RNLS: variants seen among roughly 807,000 people sequenced by gnomAD.
RNLS encodes the protein renalase, FAD dependent amine oxidase, also known as renalase.
RNLS carries 39 observed loss-of-function variants against 39.8 expected under a neutral mutation model. The observed-to-expected ratio is 0.98, with a 90% confidence interval of 0.76 to 1.28. The LOEUF (loss-of-function observed/expected upper bound fraction) is 1.28. Ranked by LOEUF, RNLS falls within the 50% of genes most tolerant of loss-of-function variation. The pLI, the probability that RNLS is intolerant of heterozygous loss-of-function variation, is 0.00. For synonymous variants in RNLS, 147 were observed against 150.7 expected (o/e 0.98, Z 0.18); for missense variants, 410 against 413.3 (o/e 0.99, Z 0.07).
intron 4 of RNLS, among the ~76,000 whole-genome samples, chr10:88,391,221 T>G (rs1589714044): frequency 6.6e-6 from 1 of 152,340 alleles, no homozygotes; most frequent in South Asian, 2.1e-4. Flanking sequence ...ATTCCTTTCT[T>G]CTTCTTTAAA....
At chr10:88,578,806 G>T (rs1850355489) in intron 3 of RNLS, among the ~76,000 whole-genome samples, 1 of 152,058 alleles carries the variant, frequency 6.6e-6, no homozygotes, top group Non-Finnish European at 1.5e-5. Flanking sequence ...AAAATAAGGA[G>T]ATAGATGCAA....
At chr10:88,393,545 A>G (rs1852350813) in intron 4 of RNLS, among the ~76,000 whole-genome samples, 1 of 152,234 alleles carries the variant, frequency 6.6e-6, no homozygotes, top group South Asian at 2.1e-4. Context: ...GTAAAAGAGG[A>G]TACAAACAAA....
chr10:88,468,271 G>A (rs1000876616), intron 4 of RNLS, among the ~76,000 whole-genome samples: 6 of 152,146 alleles, frequency 3.9e-5, no homozygotes, highest in Non-Finnish European at 7.4e-5. Flanking sequence ...AACATCTAAT[G>A]ACTAGCATAA....
At chr10:88,366,162 G>A (rs1850084045) in intron 4 of RNLS, among the ~76,000 whole-genome samples, 1 of 152,116 alleles carries the variant, frequency 6.6e-6, no homozygotes, top group African/African-American at 2.4e-5. Flanking sequence ...AATAAAGCAG[G>A]TAAAGGGATA....
chr10:88,278,947 C>A (rs549233407), intron 6 of RNLS, among the ~76,000 whole-genome samples: 2 of 152,308 alleles, frequency 1.3e-5, no homozygotes, highest in East Asian at 3.9e-4. Flanking sequence ...TTTGGATCAA[C>A]AGATATTTAC....
At chr10:88,370,520 G>A (rs1008630550) in intron 4 of RNLS, among the ~76,000 whole-genome samples, 1 of 152,144 alleles carries the variant, frequency 6.6e-6, no homozygotes, top group African/African-American at 2.4e-5. Context: ...AAGTTAGGAA[G>A]CCAATTTGTA....
rs1564700184 is a variant in RNLS, at chr10:88,330,089, AT to A, written c.701-15449del. On this transcript the variant is annotated intron_variant, in intron 5 of 6. Coordinates refer to ENST00000331772, the MANE Select transcript of RNLS (RefSeq NM_001031709.3). ...TTTTGAGATATATATATATATATAT[AT>A]AAATATAAATATATATACACACACT... Among the ~76,000 whole-genome samples the A allele has an allele frequency of 3.7e-3, 532 of 141,904 alleles. 6 individuals are homozygous for A. The highest frequency in any genetic ancestry group is 0.013 in the African/African-American group (509 of 39,688). 93.1% of individuals were successfully genotyped at this position (141,904 alleles called of 152,430 possible).
the RNLS span, among the ~76,000 whole-genome samples, chr10:88,241,432 T>C: frequency 6.6e-6 from 1 of 152,220 alleles, no homozygotes; most frequent in African/African-American, 2.4e-5. Flanking sequence ...TTAAATATAT[T>C]GGCCTAAAGT....
intron 5 of RNLS, among the ~76,000 whole-genome samples, chr10:88,344,059 CTA>C (rs1316497707): frequency 1.3e-5 from 2 of 152,146 alleles, no homozygotes; most frequent in African/African-American, 4.8e-5. Context: ...ATTATGCCCT[CTA>C]TGAAATTTTG....
At chr10:88,338,146 C>A (rs767691763) in intron 5 of RNLS, among the ~76,000 whole-genome samples, 17 of 152,284 alleles carry the variant, frequency 1.1e-4, no homozygotes, top group South Asian at 2.1e-4. Flanking sequence ...AAGAAAAGTT[C>A]ATCCTTCCCA....
chr10:88,338,190 T>C (rs1847650426), intron 5 of RNLS, among the ~76,000 whole-genome samples: 1 of 152,244 alleles, frequency 6.6e-6, no homozygotes, highest in African/African-American at 2.4e-5. Flanking sequence ...TGGAAATTTG[T>C]GTCTTTAGAG....
intron 4 of RNLS, among the ~76,000 whole-genome samples, chr10:88,466,458 T>C (rs1488044760): frequency 6.6e-6 from 1 of 152,104 alleles, no homozygotes; most frequent in East Asian, 1.9e-4. Flanking sequence ...AATGTTTATG[T>C]TAACATAGAC....
intron 4 of RNLS, among the ~76,000 whole-genome samples, chr10:88,496,894 T>C (rs1441809816): frequency 6.6e-6 from 1 of 152,036 alleles, no homozygotes; most frequent in Non-Finnish European, 1.5e-5. Flanking sequence ...AACATAGCTA[T>C]GGAGATGGTC....
intron 4 of RNLS, among the ~76,000 whole-genome samples, chr10:88,470,835 C>G (rs1370607258): frequency 1.3e-5 from 2 of 152,000 alleles, no homozygotes; most frequent in African/African-American, 2.4e-5. Context: ...AGGCTGGTCT[C>G]AAACTCCTGA....
intron 5 of RNLS, among the ~76,000 whole-genome samples, chr10:88,332,570 C>T (rs1468400082): frequency 6.6e-6 from 1 of 152,138 alleles, no homozygotes; most frequent in Non-Finnish European, 1.5e-5. Flanking sequence ...ATTTGGGAGA[C>T]TTAAGGATTA....
intron 5 of RNLS, among the ~76,000 whole-genome samples, chr10:88,329,344 G>A (rs913347936): frequency 1.3e-5 from 2 of 152,138 alleles, no homozygotes; most frequent in Non-Finnish European, 2.9e-5. Flanking sequence ...GAGCCACCAT[G>A]TCCAGCCTGA....
At chr10:88,443,551 A>T (rs920739604) in intron 4 of RNLS, among the ~76,000 whole-genome samples, 3 of 152,156 alleles carry the variant, frequency 2.0e-5, no homozygotes, top group African/African-American at 7.2e-5. Flanking sequence ...GGGTCAGGGA[A>T]TTTCCTTTCA....
chr10:88,543,672 T>C (rs1043302252), intron 4 of RNLS, among the ~76,000 whole-genome samples: 2 of 152,104 alleles, frequency 1.3e-5, no homozygotes, highest in African/African-American at 4.8e-5. Flanking sequence ...ACTTCGTATG[T>C]CTCAAAATAA....
chr10:88,427,009 T>C (rs560954101), intron 4 of RNLS, among the ~76,000 whole-genome samples: 23 of 152,180 alleles, frequency 1.5e-4, no homozygotes, highest in South Asian at 1.2e-3. Context: ...TAGTAACTAA[T>C]AAAAACAGTA....
Sources: allele counts gnomAD v4.1 joint callset (sites outside exome capture counted in the v4.1 genomes callset), GRCh38; gene constraint gnomAD v4.1.1; transcripts MANE v1.5; gene names NCBI Gene and HGNC (gene_info 2026-07-23, HGNC 2026-07-21).